WWTR1: variants seen among roughly 807,000 people sequenced by gnomAD.
WWTR1 encodes WW domain-containing transcription regulator protein 1.
WWTR1 carries 13 observed loss-of-function variants against 40.1 expected under a neutral mutation model. That is an observed-to-expected ratio of 0.32 (90% CI 0.21 to 0.52). WWTR1 has a LOEUF of 0.52. WWTR1 is among the 20% of genes least tolerant of loss of function. The pLI is 0.97. For missense variants in WWTR1, 436 were observed against 523.1 expected (o/e 0.83, Z 1.63); for synonymous variants, 230 against 210.1 (o/e 1.09, Z -0.82).
At chr3:149,591,759 T>C (rs1238614782) in intron 2 of WWTR1, among the ~76,000 whole-genome samples, 1 of 152,212 alleles carries the variant, frequency 6.6e-6, no homozygotes, top group African/African-American at 2.4e-5. Flanking sequence ...TTAGGAATTG[T>C]AGTCATTTTA....
At chr3:149,645,125 G>A (rs1381869679) in intron 2 of WWTR1, among the ~76,000 whole-genome samples, 1 of 110,104 alleles carries the variant, frequency 9.1e-6, no homozygotes, top group Admixed American at 8.6e-5. Context: ...TGTCGCCCAG[G>A]CTGGAGTGCA....
rs116218032 is a variant in WWTR1, at chr3:149,539,287, A to G, written c.771+3048T>C. Among the ~76,000 whole-genome samples the G allele has an allele frequency of 7.3e-3, 1,107 of 152,346 alleles. 21 individuals carry two copies. Among genetic ancestry groups the G allele is most frequent in the African/African-American group, 0.026 (1,064 of 41,578 alleles). On this transcript the variant is annotated intron_variant, in intron 4 of 6. Transcript: ENST00000360632. ...ATCTTTCAGATTCGTCGTATCATTC[A>G]AGAATGATAAAACTATAGACAGCGT... is the stretch of plus-strand genomic sequence containing the variant.
chr3:149,532,277 A>T (rs953314052), intron 4 of WWTR1, among the ~76,000 whole-genome samples: 5 of 152,216 alleles, frequency 3.3e-5, no homozygotes, highest in African/African-American at 1.2e-4. Context: ...TCCAATCTCA[A>T]AAAAAACAAA....
At chr3:149,710,150 C>T (rs1329554275) in intron 5 of WWTR1, among the ~76,000 whole-genome samples, 1 of 152,148 alleles carries the variant, frequency 6.6e-6, no homozygotes. Flanking sequence ...TAGTTCACAC[C>T]ATCATGTGGC....
intron 2 of WWTR1, among the ~76,000 whole-genome samples, chr3:149,607,658 T>C (rs894482799): frequency 6.6e-6 from 1 of 152,222 alleles, no homozygotes; most frequent in Non-Finnish European, 1.5e-5. Flanking sequence ...TGATCTTCCC[T>C]AAAGTTTTAA....
chr3:149,613,105 A>G (rs549476416), intron 2 of WWTR1, among the ~76,000 whole-genome samples: 2 of 152,302 alleles, frequency 1.3e-5, no homozygotes, highest in East Asian at 3.9e-4. Context: ...TCAGGATCAT[A>G]AGGGGAGAGA....
At chr3:149,539,116 A>G (rs898018030) in intron 4 of WWTR1, among the ~76,000 whole-genome samples, 2 of 152,188 alleles carry the variant, frequency 1.3e-5, no homozygotes, top group Non-Finnish European at 2.9e-5. Context: ...GCATTGTGGT[A>G]TACATCAAAT....
At chr3:149,562,771 A>G (rs1266282679) in intron 3 of WWTR1, among the ~76,000 whole-genome samples, 1 of 152,046 alleles carries the variant, frequency 6.6e-6, no homozygotes, top group African/African-American at 2.4e-5. Flanking sequence ...TATTCAGAAT[A>G]AAGCATGGAA....
At chr3:149,695,788 G>GAA (rs200643602) in intron 1 of WWTR1, among the ~76,000 whole-genome samples, 4 of 129,808 alleles carry the variant, frequency 3.1e-5, no homozygotes, top group East Asian at 2.4e-4. Flanking sequence ...GAAAAGAAAA[G>GAA]AAAAAAATAT....
chr3:149,558,657 T>C (rs1003536716), intron 3 of WWTR1, among the ~76,000 whole-genome samples: 2 of 152,192 alleles, frequency 1.3e-5, no homozygotes, highest in Non-Finnish European at 2.9e-5. Context: ...ATCACTTCCA[T>C]GGTATTCCTG....
At chr3:149,677,753 T>G (rs937205534) in intron 1 of WWTR1, among the ~76,000 whole-genome samples, 1 of 150,356 alleles carries the variant, frequency 6.7e-6, no homozygotes, top group African/African-American at 2.4e-5. Context: ...GGCAGGAGAA[T>G]CGCTTGAATC....
intron 3 of WWTR1, among the ~76,000 whole-genome samples, chr3:149,558,697 C>T (rs894392789): frequency 8.5e-5 from 13 of 152,148 alleles, no homozygotes; most frequent in African/African-American, 2.7e-4. Context: ...ACCAAAATCA[C>T]GAAGAAATGC....
At chr3:149,664,725 A>G (rs1713734440) in intron 2 of WWTR1, among the ~76,000 whole-genome samples, 1 of 151,648 alleles carries the variant, frequency 6.6e-6, no homozygotes, top group African/African-American at 2.4e-5. Context: ...AGTAGCTGGG[A>G]TTACAGGCAT....
intron 3 of WWTR1, among the ~76,000 whole-genome samples, chr3:149,552,224 C>T (rs534902489): frequency 6.9e-6 from 1 of 144,824 alleles, no homozygotes; most frequent in Non-Finnish European, 1.5e-5. Flanking sequence ...AAAGTCTCCC[C>T]CTACCCCTCA....
intron 2 of WWTR1, among the ~76,000 whole-genome samples, chr3:149,591,868 C>G (rs1230989338): frequency 1.3e-5 from 2 of 151,672 alleles, no homozygotes; most frequent in Non-Finnish European, 2.9e-5. Flanking sequence ...TCATATGTTG[C>G]CAAATGTGAG....
intron 2 of WWTR1, among the ~76,000 whole-genome samples, chr3:149,629,015 T>TGGAGG (rs1711499217): frequency 6.6e-6 from 1 of 152,158 alleles, no homozygotes; most frequent in African/African-American, 2.4e-5. Context: ...CAAGCAATCT[T>TGGAGG]ACCATCGTGT....
Position 149,657,265 on chromosome 3 carries a change from C to T in WWTR1, c.42G>A (p.Gly14=). The T allele has an allele frequency of 6.2e-7, 1 of 1,613,152 alleles. No individual in the cohort carries two copies. Among genetic ancestry groups the T allele is most frequent in the Non-Finnish European group, 8.5e-7 (1 of 1,179,642 alleles). ...CCTGCGTGACGTGGATCACTTGCTG[C>T]CCAGGCGGCGGGAGCGGAGGGGGCG... ...ASAPPPLPPP[G]QQVIHVTQDL... The change falls in exon 2 of 7, where the codon GGG becomes GGA. Residue 14 remains glycine, a synonymous_variant. Transcript: ENST00000360632.
At chr3:149,542,803 T>C (rs1196404965) in intron 3 of WWTR1, among the ~76,000 whole-genome samples, 1 of 152,220 alleles carries the variant, frequency 6.6e-6, no homozygotes. Flanking sequence ...GAGTACATTT[T>C]AAGCCTTACA....
intron 6 of WWTR1, 195 bp downstream of exon 6, chr3:149,525,818 C>G (rs28985869): frequency 2.7e-6 from 1 of 377,042 alleles, no homozygotes; most frequent in Non-Finnish European, 4.7e-6. Flanking sequence ...TGCTCACTAC[C>G]TGGGTGACGA....
Sources: allele counts gnomAD v4.1 joint callset (sites outside exome capture counted in the v4.1 genomes callset), GRCh38; gene constraint gnomAD v4.1.1; transcripts MANE v1.5; gene names NCBI Gene and HGNC (gene_info 2026-07-23, HGNC 2026-07-21).